The following EDIL3 variants were observed in gnomAD, a reference collection of about 807,000 sequenced individuals.
EDIL3 encodes the protein EGF like and discoidin domains 3.
In EDIL3, 37 loss-of-function variants were observed where a neutral mutation model predicts 67.4. The observed-to-expected ratio is 0.55, with a 90% confidence interval of 0.42 to 0.72. The LOEUF (loss-of-function observed/expected upper bound fraction) is 0.72. Ranked by LOEUF, EDIL3 falls within the 30% of genes least tolerant of loss-of-function variation. EDIL3 has a pLI of 0.00. For missense variants in EDIL3, 527 were observed against 586.3 expected (o/e 0.90, Z 1.04); for synonymous variants, 195 against 196.3 (o/e 0.99, Z 0.05).
chr5:83,991,734 G>A (rs960420789), intron 9 of EDIL3, among the ~76,000 whole-genome samples: 2 of 152,110 alleles, frequency 1.3e-5, no homozygotes, highest in African/African-American at 4.8e-5. Context: ...GTTTTGGCAG[G>A]ATGTTGACAT....
intron 3 of EDIL3, among the ~76,000 whole-genome samples, chr5:84,207,549 T>G (rs578213434): frequency 6.6e-6 from 1 of 151,964 alleles, no homozygotes; most frequent in Non-Finnish European, 1.5e-5. Context: ...AAAACTACTT[T>G]AAAGTTCATA....
chr5:84,040,780 A>G (rs1343469974), intron 9 of EDIL3, among the ~76,000 whole-genome samples: 1 of 152,222 alleles, frequency 6.6e-6, no homozygotes, highest in African/African-American at 2.4e-5. Flanking sequence ...TTAAATTGCA[A>G]TTAGATTAAT....
At chr5:84,125,855 T>C (rs1043229216) in intron 5 of EDIL3, among the ~76,000 whole-genome samples, 1 of 151,726 alleles carries the variant, frequency 6.6e-6, no homozygotes, top group South Asian at 2.1e-4. Context: ...TTAAGGAGAC[T>C]GAAAAGGTTC....
chr5:83,947,288 T>C (rs918852785), intron 10 of EDIL3, among the ~76,000 whole-genome samples: 9 of 151,838 alleles, frequency 5.9e-5, no homozygotes, highest in African/African-American at 2.2e-4. Context: ...ATCTGTACAC[T>C]GACCTGCTGT....
chr5:84,089,769 A>G (rs1290500105), intron 6 of EDIL3, among the ~76,000 whole-genome samples: 1 of 151,910 alleles, frequency 6.6e-6, no homozygotes, highest in African/African-American at 2.4e-5. Context: ...CAGATATGCA[A>G]CTCTTCACTA....
intron 4 of EDIL3, among the ~76,000 whole-genome samples, chr5:84,141,635 A>G (rs1748190957): frequency 6.7e-6 from 1 of 148,750 alleles, no homozygotes; most frequent in Non-Finnish European, 1.5e-5. Context: ...AAATAGTTGA[A>G]TTTCTCTGAA....
chr5:84,002,188 T>C (rs1480195152), intron 9 of EDIL3, among the ~76,000 whole-genome samples: 1 of 152,158 alleles, frequency 6.6e-6, no homozygotes, highest in Non-Finnish European at 1.5e-5. Flanking sequence ...ACCATATGAT[T>C]AGTTCAATTA....
intron 3 of EDIL3, among the ~76,000 whole-genome samples, chr5:84,192,478 T>C (rs1743612678): frequency 6.6e-6 from 1 of 152,006 alleles, no homozygotes; most frequent in African/African-American, 2.4e-5. Context: ...AAATGCCAAA[T>C]GCCTTTCTTC....
At chr5:84,048,823 T>G (rs1358668651) in intron 9 of EDIL3, among the ~76,000 whole-genome samples, 1 of 152,132 alleles carries the variant, frequency 6.6e-6, no homozygotes, top group African/African-American at 2.4e-5. Flanking sequence ...CCAAGTTAAT[T>G]CTTTGAGTGC....
At chr5:84,174,555 C>T (rs778094876) in intron 4 of EDIL3, among the ~76,000 whole-genome samples, 8 of 152,122 alleles carry the variant, frequency 5.3e-5, no homozygotes, top group South Asian at 2.1e-4. Flanking sequence ...ACCTTGTTGT[C>T]CCACTAGGCA....
At chr5:84,076,793 G>A (rs764857265) in intron 6 of EDIL3, among the ~76,000 whole-genome samples, 2 of 152,074 alleles carry the variant, frequency 1.3e-5, no homozygotes, top group Non-Finnish European at 2.9e-5. Context: ...GACAATATCT[G>A]CCTGATACCC....
chr5:84,004,387 C>T (rs2112173013), intron 9 of EDIL3, among the ~76,000 whole-genome samples: 1 of 152,180 alleles, frequency 6.6e-6, no homozygotes, highest in African/African-American at 2.4e-5. Context: ...CTCATCTCCA[C>T]ATGGCACATA....
intron 1 of EDIL3, among the ~76,000 whole-genome samples, chr5:84,371,357 ATATGTGTGTATATATG>A (rs1167925176): frequency 1.4e-5 from 2 of 140,712 alleles, no homozygotes; most frequent in East Asian, 2.0e-4. Context: ...GTGTGTATAT[ATATGTGTGTATATATG>A]TATGTGTGTA....
chr5:84,318,973 C>T (rs912955017), intron 1 of EDIL3, among the ~76,000 whole-genome samples: 1 of 151,884 alleles, frequency 6.6e-6, no homozygotes, highest in Non-Finnish European at 1.5e-5. Flanking sequence ...GAAAACAACC[C>T]CATCAAAAAA....
intron 10 of EDIL3, among the ~76,000 whole-genome samples, chr5:83,949,367 T>G (rs908463795): frequency 6.6e-6 from 1 of 151,794 alleles, no homozygotes; most frequent in Non-Finnish European, 1.5e-5. Context: ...CATAAGACCT[T>G]AAAGTAGAGC....
intron 9 of EDIL3, among the ~76,000 whole-genome samples, chr5:84,037,822 T>C (rs1382725586): frequency 1.3e-5 from 2 of 152,124 alleles, no homozygotes; most frequent in Non-Finnish European, 2.9e-5. Context: ...TAGACTTTTC[T>C]AAAACAAAGT....
At chr5:84,159,513 A>T (rs535268706) in intron 4 of EDIL3, among the ~76,000 whole-genome samples, 1 of 152,132 alleles carries the variant, frequency 6.6e-6, no homozygotes, top group Non-Finnish European at 1.5e-5. Flanking sequence ...CAACAAATAC[A>T]CATTCTAGTC....
At chr5:84,356,946 T>G (rs1747501158) in intron 1 of EDIL3, among the ~76,000 whole-genome samples, 1 of 148,682 alleles carries the variant, frequency 6.7e-6, no homozygotes, top group South Asian at 2.2e-4. Context: ...TTCTTTTTTT[T>G]TTAAACATAG....
intron 1 of EDIL3, among the ~76,000 whole-genome samples, chr5:84,303,808 C>CTGTGTGTG (rs199605264): frequency 8.6e-4 from 117 of 135,404 alleles, no homozygotes; most frequent in South Asian, 2.6e-3. Flanking sequence ...CTCTCTCTCT[C>CTGTGTGTG]TGTGTGTGTG....
Sources: allele counts gnomAD v4.1 joint callset (sites outside exome capture counted in the v4.1 genomes callset), GRCh38; gene constraint gnomAD v4.1.1; transcripts MANE v1.5; gene names NCBI Gene and HGNC (gene_info 2026-07-23, HGNC 2026-07-21).